Variants in MIPOL1 observed in about 807,000 individuals in gnomAD.
MIPOL1 encodes the protein mirror-image polydactyly 1.
A neutral mutation model predicts 60.9 loss-of-function variants in MIPOL1; 57 were observed. The observed-to-expected ratio is 0.94, with a 90% CI of 0.76 to 1.17. MIPOL1 has a LOEUF of 1.17. Among genes scored for constraint, MIPOL1 ranks in the 50% most tolerant of loss-of-function variants. MIPOL1 has a pLI of 0.00. For missense variants in MIPOL1, 551 were observed against 511.6 expected (o/e 1.08, Z -0.74); for synonymous variants, 179 against 168.8 (o/e 1.06, Z -0.47).
intron 11 of MIPOL1, among the ~76,000 whole-genome samples, chr14:37,474,943 T>A (rs938296001): frequency 6.6e-5 from 10 of 152,246 alleles, no homozygotes; most frequent in Non-Finnish European, 1.2e-4. Flanking sequence ...TCTGTTGAGA[T>A]CCTTTACTCA....
chr14:37,359,755 C>T (rs1390358187), intron 9 of MIPOL1, among the ~76,000 whole-genome samples: 3 of 152,174 alleles, frequency 2.0e-5, no homozygotes, highest in Non-Finnish European at 4.4e-5. Context: ...TCTAAATATA[C>T]AATCACGTAA....
chr14:37,276,839 TAAG>T (rs2093586116), intron 6 of MIPOL1: 1 of 151,168 alleles, frequency 6.6e-6, no homozygotes, highest in Non-Finnish European at 1.5e-5. Context: ...TAATTTCAGA[TAAG>T]AACATGAAGG....
At chr14:37,546,569 T>G (rs977043039) in intron 12 of MIPOL1, among the ~76,000 whole-genome samples, 2 of 152,192 alleles carry the variant, frequency 1.3e-5, no homozygotes, top group African/African-American at 4.8e-5. Context: ...TATTCTACAT[T>G]TAATATGTGA....
intron 9 of MIPOL1, among the ~76,000 whole-genome samples, chr14:37,328,971 C>G (rs1177877610): frequency 6.6e-6 from 1 of 152,040 alleles, no homozygotes; most frequent in Non-Finnish European, 1.5e-5. Flanking sequence ...TGAAAAATTA[C>G]TTCCAAAGGC....
chr14:37,477,684 A>G (rs2094798396), intron 11 of MIPOL1, among the ~76,000 whole-genome samples: 1 of 152,190 alleles, frequency 6.6e-6, no homozygotes, highest in Admixed American at 6.5e-5. Context: ...CAGGGACACA[A>G]CACACAGTTT....
intron 9 of MIPOL1, among the ~76,000 whole-genome samples, chr14:37,363,740 G>T (rs2092369233): frequency 6.6e-6 from 1 of 152,214 alleles, no homozygotes; most frequent in African/African-American, 2.4e-5. Context: ...GCCCACAGAG[G>T]TGGAGTGTAT....
At chr14:37,314,542 CCTCT>C (rs2087675819) in intron 9 of MIPOL1, among the ~76,000 whole-genome samples, 1 of 152,290 alleles carries the variant, frequency 6.6e-6, no homozygotes, top group South Asian at 2.1e-4. Flanking sequence ...GAACATACTT[CCTCT>C]CTGCTTGTTG....
intron 3 of MIPOL1, among the ~76,000 whole-genome samples, chr14:37,253,024 A>G (rs797013384): frequency 2.0e-5 from 3 of 151,930 alleles, no homozygotes; most frequent in African/African-American, 7.2e-5. Flanking sequence ...AAGGTTTTGA[A>G]AATGTCTAGA....
chr14:37,241,722 A>G (rs927154395), intron 1 of MIPOL1, among the ~76,000 whole-genome samples: 2 of 152,190 alleles, frequency 1.3e-5, no homozygotes, highest in African/African-American at 4.8e-5. Flanking sequence ...ATGTAATAAT[A>G]CAAAACAATT....
chr14:37,296,785 A>G (rs914411268), intron 7 of MIPOL1, among the ~76,000 whole-genome samples: 9 of 152,158 alleles, frequency 5.9e-5, no homozygotes, highest in Non-Finnish European at 1.3e-4. Flanking sequence ...TAGACCAATA[A>G]CAGGCTCTGA....
At chr14:37,255,425 G>A (rs916484133) in intron 3 of MIPOL1, among the ~76,000 whole-genome samples, 2 of 151,622 alleles carry the variant, frequency 1.3e-5, no homozygotes, top group Non-Finnish European at 3.0e-5. Flanking sequence ...TTTTTAAAAA[G>A]TTTCTTAAAT....
At chr14:37,224,230 G>A (rs906524336) in intron 1 of MIPOL1, among the ~76,000 whole-genome samples, 2 of 152,192 alleles carry the variant, frequency 1.3e-5, no homozygotes, top group South Asian at 2.1e-4. Context: ...CTGTAATCCC[G>A]GCACTTTGCG....
rs148721923 is a variant in MIPOL1, at chr14:37,322,313, C to T, written c.828+13794C>T. On this transcript the variant is annotated intron_variant, in intron 9 of 12. Coordinates refer to ENST00000684589, the MANE Select transcript of MIPOL1 (RefSeq NM_001388067.1). Reference sequence around the variant, plus strand: ...GATGCAGAACATTACTACAGTGTTACCCCAGAGTTTCCTCATGCCCTATCC... The same window carrying T: ...GATGCAGAACATTACTACAGTGTTATCCCAGAGTTTCCTCATGCCCTATCC... Among the ~76,000 whole-genome samples the T allele has an allele frequency of 1.2e-3, 184 of 152,060 alleles. 4 individuals carry two copies. The East Asian group carries it at 0.033, about 27-fold the overall frequency.
intron 12 of MIPOL1, among the ~76,000 whole-genome samples, chr14:37,518,775 G>T (rs1302515180): frequency 6.6e-6 from 1 of 152,062 alleles, no homozygotes; most frequent in Non-Finnish European, 1.5e-5. Flanking sequence ...TCTGGGTCAG[G>T]GAAAATACAG....
chr14:37,541,479 A>G (rs1178920558), intron 12 of MIPOL1, among the ~76,000 whole-genome samples: 1 of 152,172 alleles, frequency 6.6e-6, no homozygotes, highest in African/African-American at 2.4e-5. Flanking sequence ...TGATGGGGGA[A>G]AAAATTATAC....
chr14:37,481,909 T>C (rs138575456), intron 11 of MIPOL1, among the ~76,000 whole-genome samples: 29 of 152,218 alleles, frequency 1.9e-4, no homozygotes, highest in African/African-American at 7.0e-4. Flanking sequence ...GTTGGACCCT[T>C]ACCTCTCACC....
chr14:37,403,759 TA>T (rs2093535720), intron 10 of MIPOL1, among the ~76,000 whole-genome samples: 1 of 152,188 alleles, frequency 6.6e-6, no homozygotes, highest in Non-Finnish European at 1.5e-5. Context: ...ACTGAGGTGT[TA>T]AAAACTGATA....
Position 37,247,635 on chromosome 14 carries a change from C to T in MIPOL1, c.-60-194C>T, listed in dbSNP as rs368004234. On this transcript the variant is annotated intron_variant, in intron 2 of 12. Transcript: ENST00000684589. ...AACCTGAACTGTATATACTAAAATACAAGTGTGAAGAAAAGAACCTTTTTC... is the reference window on the plus strand; with the variant it reads ...AACCTGAACTGTATATACTAAAATATAAGTGTGAAGAAAAGAACCTTTTTC... Among the ~76,000 whole-genome samples the T allele has an allele frequency of 1.1e-4, 17 of 152,122 alleles. 2 individuals carry two copies. Among genetic ancestry groups the T allele is most frequent in the African/African-American group, 4.1e-4 (17 of 41,522 alleles).
intron 3 of MIPOL1, among the ~76,000 whole-genome samples, chr14:37,255,317 T>C (rs1460074719): frequency 2.0e-5 from 3 of 151,826 alleles, no homozygotes; most frequent in Non-Finnish European, 4.4e-5. Context: ...TATACATTGG[T>C]ATGTAGACTG....
Sources: allele counts gnomAD v4.1 joint callset (sites outside exome capture counted in the v4.1 genomes callset), GRCh38; gene constraint gnomAD v4.1.1; transcripts MANE v1.5; gene names NCBI Gene and HGNC (gene_info 2026-07-23, HGNC 2026-07-21).